The following PLCXD3 variants were observed in gnomAD, a reference collection of about 807,000 sequenced individuals.
PLCXD3 encodes the protein phosphatidylinositol specific phospholipase C X domain containing 3, also known as PI-PLC X domain-containing protein 3.
A neutral mutation model predicts 25.5 loss-of-function variants in PLCXD3; 19 were observed. That is an observed-to-expected ratio of 0.75 (90% confidence interval 0.52 to 1.09). The LOEUF is 1.09. Ranked by LOEUF, PLCXD3 falls within the 50% of genes least tolerant of loss-of-function variation. PLCXD3 has a pLI of 0.00. For missense variants in PLCXD3, 411 were observed against 388.1 expected, an observed-to-expected ratio of 1.06 and a Z score of -0.50; for synonymous variants, 174 against 137.6, an observed-to-expected ratio of 1.26 and a Z score of -1.85.
intron 2 of PLCXD3, among the ~76,000 whole-genome samples, chr5:41,349,373 C>T (rs1484457178): frequency 6.6e-6 from 1 of 152,170 alleles, no homozygotes; most frequent in Non-Finnish European, 1.5e-5. Context: ...CTATGGAGGA[C>T]TGCTACTTTC....
chr5:41,412,342 T>C (rs1746574747), intron 1 of PLCXD3, among the ~76,000 whole-genome samples: 1 of 21,806 alleles, frequency 4.6e-5, no homozygotes, highest in South Asian at 6.9e-4. Flanking sequence ...TTTATAAGTA[T>C]GTGTTTCGAG....
chr5:41,492,150 C>T (rs1748714214), intron 1 of PLCXD3, among the ~76,000 whole-genome samples: 1 of 152,262 alleles, frequency 6.6e-6, no homozygotes, highest in South Asian at 2.1e-4. Flanking sequence ...AATCTCTCAG[C>T]ATTTGCTTGT....
intron 1 of PLCXD3, among the ~76,000 whole-genome samples, chr5:41,408,386 C>T (rs1746413470): frequency 6.6e-6 from 1 of 152,128 alleles, no homozygotes; most frequent in African/African-American, 2.4e-5. Flanking sequence ...TCTTTTCTGA[C>T]ACATACACAC....
intron 2 of PLCXD3, among the ~76,000 whole-genome samples, chr5:41,369,222 T>G (rs1370867165): frequency 1.3e-5 from 2 of 152,254 alleles, no homozygotes; most frequent in South Asian, 4.1e-4. Context: ...AATGTGAAAG[T>G]GAGACAAGAA....
chr5:41,393,495 G>T (rs965747279), intron 1 of PLCXD3, among the ~76,000 whole-genome samples: 17 of 152,108 alleles, frequency 1.1e-4, no homozygotes, highest in African/African-American at 3.9e-4. Flanking sequence ...AAGCAGAAAT[G>T]GAGACTTTCC....
chr5:41,454,169 G>T (rs1277072073), intron 1 of PLCXD3, among the ~76,000 whole-genome samples: 1 of 151,838 alleles, frequency 6.6e-6, no homozygotes, highest in Non-Finnish European at 1.5e-5. Flanking sequence ...TCCTTATTTG[G>T]AAATAGGGTC....
At position 41,382,140 on chromosome 5, in the gene PLCXD3, A is replaced by T; in HGVS notation, c.498T>A (p.Tyr166Ter). Residue 166 changes from tyrosine to a stop codon, truncating the protein, a stop_gained, in exon 2 of 3, where the codon TAT becomes TAA. Coordinates refer to ENST00000377801, the MANE Select transcript of PLCXD3 (RefSeq NM_001005473.3). LOFTEE classifies it high-confidence loss of function. ...AAATCGCTGGGCACATTTTATTTCC[A>T]TAGATGTCTTTCAGCATTTGGACCA... ...EKLVQMLKDIYGNKMCPAIFA... is the reference protein window; with the variant it reads ...EKLVQMLKDI 2.5e-6 allele frequency: 4 copies of T among 1,613,708 alleles called. No homozygotes were observed. The highest frequency in any genetic ancestry group is 3.4e-6 in the Non-Finnish European group (4 of 1,179,776).
In PLCXD3 at chr5:41,429,852, T is replaced by C. The variant is rs559638052; in HGVS notation, c.104-47318A>G. Among the ~76,000 whole-genome samples, 71 of 152,272 alleles carry C rather than the reference T, an allele frequency of 4.7e-4. 1 individual carries two copies. In the South Asian group the frequency reaches 0.014, roughly 31 times the overall value. On this transcript the variant is annotated intron_variant, in intron 1 of 2. Transcript: ENST00000377801. ...AGGTCATTTGAAGAGTCAGATAAGGTATAGTTTTAACTTATGTTTAGTGTT... is the reference window on the plus strand; with the variant it reads ...AGGTCATTTGAAGAGTCAGATAAGGCATAGTTTTAACTTATGTTTAGTGTT...
At chr5:41,501,019 C>T (rs1330178480) in intron 1 of PLCXD3, among the ~76,000 whole-genome samples, 1 of 151,872 alleles carries the variant, frequency 6.6e-6, no homozygotes, top group African/African-American at 2.4e-5. Context: ...TCACCTAATA[C>T]CTGTTAGGAT....
chr5:41,495,656 T>C (rs1021470093), intron 1 of PLCXD3, among the ~76,000 whole-genome samples: 6 of 152,190 alleles, frequency 3.9e-5, no homozygotes, highest in Non-Finnish European at 8.8e-5. Flanking sequence ...AAAAATCTAA[T>C]AAATCTTTCT....
chr5:41,481,360 G>A (rs1396297658), intron 1 of PLCXD3, among the ~76,000 whole-genome samples: 1 of 152,140 alleles, frequency 6.6e-6, no homozygotes, highest in East Asian at 1.9e-4. Flanking sequence ...TGAACATAAT[G>A]CTATAATACA....
chr5:41,355,660 A>G (rs1040020974), intron 2 of PLCXD3, among the ~76,000 whole-genome samples: 1 of 152,212 alleles, frequency 6.6e-6, no homozygotes, highest in African/African-American at 2.4e-5. Context: ...TTATATGTTT[A>G]AAGGAAATGA....
chr5:41,489,552 C>T (rs964452336), intron 1 of PLCXD3, among the ~76,000 whole-genome samples: 6 of 151,966 alleles, frequency 3.9e-5, no homozygotes, highest in African/African-American at 1.5e-4. Context: ...TTGATTCTTC[C>T]TACCCATGAG....
intron 2 of PLCXD3, among the ~76,000 whole-genome samples, chr5:41,318,673 A>T (rs1743370796): frequency 6.6e-6 from 1 of 152,152 alleles, no homozygotes; most frequent in African/African-American, 2.4e-5. Flanking sequence ...ACAGGAAGGA[A>T]AGAAAAAAGG....
At chr5:41,327,636 T>A (rs1028564568) in intron 2 of PLCXD3, among the ~76,000 whole-genome samples, 1 of 152,168 alleles carries the variant, frequency 6.6e-6, no homozygotes, top group Non-Finnish European at 1.5e-5. Flanking sequence ...TATTTCTAAG[T>A]GAGTTATGTA....
intron 1 of PLCXD3, among the ~76,000 whole-genome samples, chr5:41,410,792 G>A (rs1159265773): frequency 6.6e-6 from 1 of 152,218 alleles, no homozygotes; most frequent in Non-Finnish European, 1.5e-5. Context: ...CATAAGAAAA[G>A]AAAGTTGGGA....
At chr5:41,431,625 T>G (rs1021657106) in intron 1 of PLCXD3, among the ~76,000 whole-genome samples, 1 of 152,200 alleles carries the variant, frequency 6.6e-6, no homozygotes, top group Non-Finnish European at 1.5e-5. Context: ...TTGTTCTTCA[T>G]TCAAAAATAA....
intron 1 of PLCXD3, among the ~76,000 whole-genome samples, chr5:41,427,242 T>C (rs1232643453): frequency 6.6e-6 from 1 of 152,126 alleles, no homozygotes; most frequent in African/African-American, 2.4e-5. Flanking sequence ...TCCTATTAGC[T>C]CTACTCATGA....
In PLCXD3 at chr5:41,446,201, AGAACAAC is replaced by A. The variant is rs1455317525; in HGVS notation, c.104-63674_104-63668del. On this transcript the variant is annotated intron_variant, in intron 1 of 2. Coordinates refer to ENST00000377801, the MANE Select transcript of PLCXD3 (RefSeq NM_001005473.3). ...CAAAAAAAAAAAAAAAAAAAAAAAA[AGAACAAC>A]GAGAGAATAGTGAGGGTTGGGGTTT... Among the ~76,000 whole-genome samples, 12 of 147,862 alleles carry A rather than the reference AGAACAAC, an allele frequency of 8.1e-5. No homozygotes were observed. In the East Asian group the frequency reaches 1.6e-3, roughly 19 times the overall value.
Sources: allele counts gnomAD v4.1 joint callset (sites outside exome capture counted in the v4.1 genomes callset), GRCh38; gene constraint gnomAD v4.1.1; transcripts MANE v1.5; gene names NCBI Gene and HGNC (gene_info 2026-07-23, HGNC 2026-07-21).